Variants in SYN3 observed in about 807,000 individuals in gnomAD.
The protein encoded by SYN3 is synapsin-3.
In SYN3, 35 loss-of-function variants were observed where a neutral mutation model predicts 65.8. The ratio of observed to expected loss-of-function variants is 0.53; its 90% CI spans 0.41 to 0.70. The LOEUF is 0.70. SYN3 is among the 30% of genes least tolerant of loss of function. The pLI, the probability that SYN3 is intolerant of heterozygous loss-of-function variation, is 0.00. For missense variants in SYN3, 680 were observed against 749.0 expected (o/e 0.91, Z 1.08); for synonymous variants, 270 against 292.9 (o/e 0.92, Z 0.80).
chr22:32,974,211 G>C (rs1007269587), intron 3 of SYN3, among the ~76,000 whole-genome samples: 9 of 152,224 alleles, frequency 5.9e-5, no homozygotes, highest in African/African-American at 2.2e-4. Flanking sequence ...AAAATATACA[G>C]TGGATAAGAA....
At chr22:32,668,363 C>A (rs993016703) in intron 6 of SYN3, among the ~76,000 whole-genome samples, 9 of 151,306 alleles carry the variant, frequency 5.9e-5, no homozygotes, top group African/African-American at 2.2e-4. Context: ...TTTCCACCCC[C>A]CCTTCCTTCA....
chr22:32,540,057 T>C (rs1249599119), intron 8 of SYN3, among the ~76,000 whole-genome samples: 1 of 152,164 alleles, frequency 6.6e-6, no homozygotes, highest in Admixed American at 6.5e-5. Context: ...ATCCCTTTCC[T>C]GGGAACACTT....
intron 4 of SYN3, among the ~76,000 whole-genome samples, chr22:32,908,922 G>A (rs887537614): frequency 2.6e-5 from 4 of 152,184 alleles, no homozygotes; most frequent in African/African-American, 4.8e-5. Context: ...TAGGCTGTTA[G>A]GGCAGATTAT....
intron 6 of SYN3, among the ~76,000 whole-genome samples, chr22:32,809,618 A>C (rs2046858880): frequency 2.0e-5 from 3 of 152,170 alleles, no homozygotes; most frequent in African/African-American, 4.8e-5. Flanking sequence ...GTGTTGATTA[A>C]CTTTCCATTA....
At chr22:32,706,791 C>T (rs2060886968) in intron 6 of SYN3, among the ~76,000 whole-genome samples, 1 of 152,230 alleles carries the variant, frequency 6.6e-6, no homozygotes, top group African/African-American at 2.4e-5. Flanking sequence ...TTTCTTTTGC[C>T]TCTTTTCCTG....
intron 6 of SYN3, among the ~76,000 whole-genome samples, chr22:32,822,045 C>T (rs1450696150): frequency 6.6e-6 from 1 of 151,660 alleles, no homozygotes; most frequent in East Asian, 1.9e-4. Flanking sequence ...ATCCCAGCTA[C>T]TCGGGAGGCT....
chr22:33,029,647 A>G (rs148584752), intron 1 of SYN3, among the ~76,000 whole-genome samples: 1 of 152,244 alleles, frequency 6.6e-6, no homozygotes, highest in African/African-American at 2.4e-5. Flanking sequence ...TTGAAGCCCA[A>G]AATGACACAA....
intron 4 of SYN3, among the ~76,000 whole-genome samples, chr22:32,912,999 C>T (rs1045164882): frequency 7.2e-5 from 11 of 151,976 alleles, no homozygotes; most frequent in African/African-American, 9.7e-5. Flanking sequence ...CTTTGGACGA[C>T]GATGGTGTGT....
intron 6 of SYN3, among the ~76,000 whole-genome samples, chr22:32,753,362 C>G (rs1002982932): frequency 6.6e-6 from 1 of 152,190 alleles, no homozygotes; most frequent in African/African-American, 2.4e-5. Context: ...CAACTCCTGA[C>G]TCAGGCTGTC....
At chr22:32,920,822 C>T (rs1383309771) in intron 4 of SYN3, among the ~76,000 whole-genome samples, 5 of 152,104 alleles carry the variant, frequency 3.3e-5, no homozygotes, top group African/African-American at 9.7e-5. Context: ...CAAAGTGAGG[C>T]CCCAGCAGGA....
At chr22:32,589,246 C>T (rs541140112) in intron 7 of SYN3, among the ~76,000 whole-genome samples, 1 of 152,316 alleles carries the variant, frequency 6.6e-6, no homozygotes, top group Non-Finnish European at 1.5e-5. Flanking sequence ...AGTTGTGGGG[C>T]TTGCCTGCTC....
At chr22:32,739,195 A>C (rs2061372043) in intron 6 of SYN3, among the ~76,000 whole-genome samples, 1 of 150,110 alleles carries the variant, frequency 6.7e-6, no homozygotes. Context: ...GGTTTCCCCC[A>C]TACTGTTCTC....
rs78005618 is a variant in SYN3 at position 32,663,153 on chromosome 22, G to C, written c.712-66417C>G. The stretch of plus-strand genomic sequence containing the variant: ...CAGTTGAGTTAGTTTTGTGTAGCAT[G>C]GTTGTGTAAGAGGAAACCCCTTTCG... On this transcript the variant is annotated intron_variant, in intron 6 of 13. Transcript: ENST00000358763. 2.1e-3 allele frequency among the ~76,000 whole-genome samples: 317 copies of C among 152,278 alleles called. 5 individuals carry two copies. In the East Asian group the frequency reaches 0.037, roughly 18 times the overall value.
intron 6 of SYN3, chr22:32,859,194 C>T: frequency 6.2e-7 from 1 of 1,614,226 alleles, no homozygotes; most frequent in Non-Finnish European, 8.5e-7. Context: ...AGTCCTGCTA[C>T]TACCTGCCTT....
At chr22:32,734,566 G>A (rs1398547322) in intron 6 of SYN3, among the ~76,000 whole-genome samples, 1 of 151,004 alleles carries the variant, frequency 6.6e-6, no homozygotes, top group Non-Finnish European at 1.5e-5. Context: ...TGTGATGGCT[G>A]CCATGCTTCC....
At chr22:32,738,622 G>A (rs1458084369) in intron 6 of SYN3, among the ~76,000 whole-genome samples, 1 of 152,194 alleles carries the variant, frequency 6.6e-6, no homozygotes. Context: ...GGCAGGGGTA[G>A]GTTTTGGTGG....
chr22:32,873,230 C>T (rs879733099), intron 4 of SYN3, among the ~76,000 whole-genome samples: 7 of 152,176 alleles, frequency 4.6e-5, no homozygotes, highest in Non-Finnish European at 7.3e-5. Context: ...GGATTACAGA[C>T]GTGAGCCACC....
chr22:32,567,094 G>A (rs954543433), intron 7 of SYN3, among the ~76,000 whole-genome samples: 5 of 152,132 alleles, frequency 3.3e-5, no homozygotes, highest in Admixed American at 6.5e-5. Flanking sequence ...ATGCCACAGT[G>A]AGACTGGGAA....
intron 6 of SYN3, among the ~76,000 whole-genome samples, chr22:32,728,072 C>A (rs904852487): frequency 6.6e-6 from 1 of 152,060 alleles, no homozygotes; most frequent in Non-Finnish European, 1.5e-5. Context: ...TTCCTTACAC[C>A]ATACACAAAA....
Sources: gnomAD v4.1 joint callset for allele counts (sites outside exome capture counted in the v4.1 genomes callset) on GRCh38, gnomAD v4.1.1 for gene constraint, MANE v1.5 for transcripts, NCBI Gene and HGNC (gene_info 2026-07-23, HGNC 2026-07-21) for gene names.